NME5: variants seen among roughly 807,000 people sequenced by gnomAD.
The protein encoded by NME5 is NME/NM23 family member 5.
NME5 carries 18 observed loss-of-function variants against 21.6 expected under a neutral mutation model. The observed-to-expected ratio is 0.83, with a 90% CI of 0.58 to 1.24. The LOEUF (loss-of-function observed/expected upper bound fraction) is 1.24, where lower values mean the gene tolerates loss of function less well. NME5 is among the 50% of genes most tolerant of loss of function. The pLI, the probability that NME5 is intolerant of heterozygous loss-of-function variation, is 0.00. For synonymous variants in NME5, 70 were observed against 80.6 expected (o/e 0.87, Z 0.71); for missense variants, 223 against 255.4 (o/e 0.87, Z 0.86).
At chr5:138,136,385 C>T (rs751504393) in intron 2 of NME5, among the ~76,000 whole-genome samples, 2 of 152,138 alleles carry the variant, frequency 1.3e-5, no homozygotes, top group Non-Finnish European at 2.9e-5. Flanking sequence ...TTTTAACTTG[C>T]TTTTTTTCCC....
Position 138,128,500 on chromosome 5 carries a change from T to C in NME5, c.415A>G (p.Ile139Val). The C allele has an allele frequency of 6.2e-7, 1 of 1,613,348 alleles. No homozygotes were observed. ...TCACCTTCAGGAAACATAAAACGTA[T>C]TTCTCTTTCCGCAGCAGCAAAGTCA... The part of the protein sequence containing the change: ...SNDFAAAERE[I>V]RFMFPEVIVE... The change falls in exon 4 of 6, where the codon ATA becomes GTA. Residue 139 changes from isoleucine to valine, a missense_variant. By Grantham distance (29) the Ile-to-Val change is conservative (BLOSUM62 3). Coordinates refer to ENST00000265191, the MANE Select transcript of NME5 (RefSeq NM_003551.3).
chr5:138,118,597 G>A (rs564724011), intron 5 of NME5, among the ~76,000 whole-genome samples: 1 of 151,998 alleles, frequency 6.6e-6, no homozygotes, highest in East Asian at 1.9e-4. Flanking sequence ...TGATTCTCCT[G>A]CCTCAGCCTC....
intron 5 of NME5, among the ~76,000 whole-genome samples, chr5:138,117,843 C>T (rs1344599963): frequency 5.9e-5 from 9 of 151,606 alleles, no homozygotes; most frequent in African/African-American, 2.2e-4. Flanking sequence ...ATTACCCGGG[C>T]GTGGTGGTGT....
intron 4 of NME5, among the ~76,000 whole-genome samples, chr5:138,126,510 CAAAAAAAAAAAAAAA>C (rs57938582): frequency 2.2e-4 from 12 of 54,204 alleles, no homozygotes; most frequent in Non-Finnish European, 3.8e-4. Flanking sequence ...GAATCTATCT[CAAAAAAAAAAAAAAA>C]AAAAAAAAAA....
chr5:138,127,824 AT>A (rs1291180095), intron 4 of NME5: 5 of 303,388 alleles, frequency 1.6e-5, no homozygotes, highest in Non-Finnish European at 2.4e-5. Flanking sequence ...TAGAGAGACT[AT>A]TTTTCTCATG....
At chr5:138,135,668 G>A (rs1441480137) in intron 2 of NME5, among the ~76,000 whole-genome samples, 3 of 152,058 alleles carry the variant, frequency 2.0e-5, no homozygotes, top group South Asian at 2.1e-4. Flanking sequence ...TAAATGGGAC[G>A]CCTTTATCTG....
chr5:138,122,441 TAAAAAAAAA>T (rs70979581), intron 4 of NME5, among the ~76,000 whole-genome samples: 22 of 34,450 alleles, frequency 6.4e-4, no homozygotes, highest in African/African-American at 2.4e-3. Flanking sequence ...ACTCTGTCTC[TAAAAAAAAA>T]AAAAAAAAAA....
chr5:138,122,284 C>T (rs551038020), intron 4 of NME5, among the ~76,000 whole-genome samples: 77 of 151,286 alleles, frequency 5.1e-4, no homozygotes, highest in Non-Finnish European at 7.7e-4. Flanking sequence ...ACTAAAAATA[C>T]AAAAAATTAG....
Position 138,115,738 on chromosome 5 carries a change from T to A in NME5, c.582A>T (p.Lys194Asn), listed in dbSNP as rs1751143041. The A allele has an allele frequency of 6.3e-7, 1 of 1,585,576 alleles. No homozygotes were observed. The highest frequency in any genetic ancestry group is 8.5e-7 in the Non-Finnish European group (1 of 1,171,914). The change falls in exon 6 of 6, where the codon AAA (lysine) becomes AAT (asparagine). Residue 194 changes from lysine (K) to asparagine (N), a missense_variant. Transcript: ENST00000265191. The part of the protein sequence containing the change: ...PLIWLADWLL[K>N]NNPNKPKLCH... Reference sequence around the variant, plus strand: ...AAAGTTTGGGTTTGTTAGGATTATTTTTCAGCAGCCAATCAGCTAGCCAAA... The same window carrying A: ...AAAGTTTGGGTTTGTTAGGATTATTATTCAGCAGCCAATCAGCTAGCCAAA...
chr5:138,126,717 G>T (rs575782908), intron 4 of NME5, among the ~76,000 whole-genome samples: 1 of 151,988 alleles, frequency 6.6e-6, no homozygotes, highest in Admixed American at 6.6e-5. Flanking sequence ...GGAGGTAGAG[G>T]CAGCAGTATT....
chr5:138,135,024 T>G lies in NME5; in HGVS notation c.129+3628A>C, dbSNP rs543509852. Among the ~76,000 whole-genome samples, 439 of 148,936 alleles carry G rather than the reference T, an allele frequency of 2.9e-3. 1 individual carries two copies. Among genetic ancestry groups the G allele is most frequent in the Middle Eastern group, 6.9e-3 (2 of 290 alleles). On this transcript the variant is annotated intron_variant, in intron 2 of 5. Coordinates refer to ENST00000265191, the MANE Select transcript of NME5 (RefSeq NM_003551.3). ...GGCCGTCACTAAATATTTTTTAAAA[T>G]ATGGACTTTTTTGGCCGGGCATAGT... is the stretch of plus-strand genomic sequence containing the variant.
At position 138,115,769 on chromosome 5, in the gene NME5, G is replaced by C; in HGVS notation, c.556-5C>G. The C allele has an allele frequency of 6.5e-7, 1 of 1,548,400 alleles. No homozygotes were observed. Among genetic ancestry groups the C allele is most frequent in the Middle Eastern group, 1.7e-4 (1 of 5,740 alleles). On this transcript the variant is annotated splice_polypyrimidine_tract_variant and splice_region_variant and intron_variant, in intron 5 of 5. Coordinates refer to ENST00000265191, the MANE Select transcript of NME5 (RefSeq NM_003551.3). Reference sequence around the variant, plus strand: ...CAGCCAATCAGCTAGCCAAATCTATGGGAAAAAAAAAAACAACCTAAGTTA... The same window carrying C: ...CAGCCAATCAGCTAGCCAAATCTATCGGAAAAAAAAAAACAACCTAAGTTA...
At chr5:138,115,988 C>T (rs1751148957) in intron 5 of NME5, among the ~76,000 whole-genome samples, 2 of 152,152 alleles carry the variant, frequency 1.3e-5, no homozygotes, top group South Asian at 4.1e-4. Context: ...CATAAACCTA[C>T]ATGTGGAAAA....
intron 2 of NME5, among the ~76,000 whole-genome samples, chr5:138,132,940 G>GTTTT (rs566088397): frequency 6.9e-6 from 1 of 145,492 alleles, no homozygotes; most frequent in Non-Finnish European, 1.5e-5. Flanking sequence ...GCGTATTAGC[G>GTTTT]TTTTTTTTTT....
chr5:138,132,275 A>G (rs1751588468), intron 2 of NME5, among the ~76,000 whole-genome samples: 1 of 152,122 alleles, frequency 6.6e-6, no homozygotes, highest in African/African-American at 2.4e-5. Flanking sequence ...GCTTGAACCC[A>G]GGAGGCAGAG....
At chr5:138,121,395 G>A (rs1751282789) in intron 4 of NME5, among the ~76,000 whole-genome samples, 1 of 152,042 alleles carries the variant, frequency 6.6e-6, no homozygotes. Context: ...TTCAGCCTGG[G>A]TGACAGAGAG....
At position 138,118,830 on chromosome 5, in the gene NME5, T is replaced by A; in HGVS notation, c.543A>T (p.Pro181=). Residue 181 remains proline (P), a synonymous_variant, in exon 5 of 6, where the codon CCA becomes CCT. Transcript: ENST00000265191. The stretch of plus-strand genomic sequence containing the variant: ...AAATATTTCTTACCAAAGGATCTGC[T>A]GGTTTTTGCTTACAAAGCTCTGTGA... ...EGLTELCKQK[P]ADPLIWLADW... is the part of the protein sequence containing the mutation. 1.9e-6 allele frequency: 3 copies of A among 1,602,154 alleles called. No homozygotes were observed. The highest frequency in any genetic ancestry group is 2.6e-6 in the Non-Finnish European group (3 of 1,169,282).
At chr5:138,133,097 T>C (rs1751610077) in intron 2 of NME5, among the ~76,000 whole-genome samples, 1 of 151,382 alleles carries the variant, frequency 6.6e-6, no homozygotes, top group African/African-American at 2.4e-5. Context: ...TAAGGGTTCA[T>C]CTTTTTTTTT....
At chr5:138,124,904 C>G (rs1751364433) in intron 4 of NME5, among the ~76,000 whole-genome samples, 1 of 152,032 alleles carries the variant, frequency 6.6e-6, no homozygotes, top group Non-Finnish European at 1.5e-5. Flanking sequence ...TAAGTTTTCT[C>G]TCATCCTTGT....
Sources: gnomAD v4.1 joint callset for allele counts (sites outside exome capture counted in the v4.1 genomes callset) on GRCh38, gnomAD v4.1.1 for gene constraint, MANE v1.5 for transcripts, NCBI Gene and HGNC (gene_info 2026-07-23, HGNC 2026-07-21) for gene names.